Variants in RYR3 observed in about 807,000 individuals in gnomAD.
RYR3 encodes the protein brain ryanodine receptor-calcium release channel.
RYR3 carries 207 observed loss-of-function variants against 584.3 expected under a neutral mutation model. The observed-to-expected ratio is 0.35, with a 90% CI of 0.32 to 0.40. The LOEUF is 0.40. RYR3 is among the 10% of genes least tolerant of loss of function. The probability of loss-of-function intolerance (pLI) is 1.00; values close to 1 mark genes in which losing one functional copy is unlikely to be tolerated. For missense variants in RYR3, 5,616 were observed against 6,089.2 expected (o/e 0.92, Z 2.59); for synonymous variants, 2,416 against 2,248.5 (o/e 1.07, Z -2.11).
At chr15:33,362,787 C>G (rs1974959357) in intron 1 of RYR3, among the ~76,000 whole-genome samples, 1 of 152,196 alleles carries the variant, frequency 6.6e-6, no homozygotes, top group African/African-American at 2.4e-5. Flanking sequence ...AGTACCAGAG[C>G]AAAACACAAG....
chr15:33,776,367 C>T lies in RYR3; in HGVS notation c.9137+2752C>T, dbSNP rs1250124257. ...TTGTGCATTTAATCATGCAGAATAC[C>T]GAATTATTTAACTTGGAGATACTTT... On this transcript the variant is annotated intron_variant, in intron 64 of 103. Transcript: ENST00000634891. Among the ~76,000 whole-genome samples the T allele has an allele frequency of 5.3e-5, 8 of 152,060 alleles. No homozygotes were observed. In the South Asian group the frequency reaches 8.3e-4, roughly 16 times the overall value.
chr15:33,476,330 A>G (rs1038505528), intron 2 of RYR3, among the ~76,000 whole-genome samples: 3 of 152,228 alleles, frequency 2.0e-5, no homozygotes, highest in African/African-American at 7.2e-5. Flanking sequence ...TGTCTTTCCT[A>G]ACATCCACTT....
rs561527823 is a variant in RYR3 at position 33,831,787 on chromosome 15, A to AT, written c.11463+705dup. On this transcript the variant is annotated intron_variant, in intron 86 of 103. Coordinates refer to ENST00000634891, the MANE Select transcript of RYR3 (RefSeq NM_001036.6). Reference sequence around the variant, plus strand: ...GTATCATTACCGTCGGTGATACAAGATTTTTTTTTAAAGCAAAAGTAATAC... The same window carrying AT: ...GTATCATTACCGTCGGTGATACAAGATTTTTTTTTTAAAGCAAAAGTAATAC... Among the ~76,000 whole-genome samples, 695 of 151,890 alleles carry AT rather than the reference A, an allele frequency of 4.6e-3. 3 individuals carry two copies. Among genetic ancestry groups the AT allele is most frequent in the African/African-American group, 0.016 (649 of 41,416 alleles).
chr15:33,694,044 G>C (rs1046470591), intron 38 of RYR3, among the ~76,000 whole-genome samples: 5 of 152,098 alleles, frequency 3.3e-5, no homozygotes, highest in Non-Finnish European at 1.5e-5. Context: ...AATCTCAAAA[G>C]TTTTGTCAAG....
chr15:33,345,012 AG>A, intron 1 of RYR3, among the ~76,000 whole-genome samples: 1 of 152,314 alleles, frequency 6.6e-6, no homozygotes, highest in Admixed American at 6.5e-5. Flanking sequence ...GACTTCCCCA[AG>A]TTTGCACAGC....
chr15:33,461,224 G>A (rs1200850646), intron 1 of RYR3, among the ~76,000 whole-genome samples: 5 of 152,002 alleles, frequency 3.3e-5, no homozygotes, highest in African/African-American at 4.8e-5. Context: ...GATTACAGGC[G>A]TGAGCCACCG....
Position 33,722,963 on chromosome 15 carries a change from G to A in RYR3, c.6800+68G>A, listed in dbSNP as rs564100791. 7.9e-4 allele frequency: 1,056 copies of A among 1,335,088 alleles called. 11 individuals are homozygous for A. The South Asian group carries it at 0.014, about 18-fold the overall frequency. 82.7% of individuals were successfully genotyped at this position (1,335,088 alleles called of 1,614,324 possible). A position where few individuals can be genotyped will look rare whatever the true frequency, so the allele number is the denominator to read the frequency against. On this transcript the variant is annotated intron_variant, in intron 44 of 103. Transcript: ENST00000634891. ...AGCTCTCAGATATTATTGGTATACG[G>A]ATGATTTAGGAGGTAATAGAGAAAG...
chr15:33,319,580 C>T (rs1968670323), intron 1 of RYR3, among the ~76,000 whole-genome samples: 1 of 152,218 alleles, frequency 6.6e-6, no homozygotes, highest in African/African-American at 2.4e-5. Context: ...AAAGAACATA[C>T]TAGTCAAATG....
At position 33,633,015 on chromosome 15, in the gene RYR3, T is replaced by G; in HGVS notation, c.2934T>G (p.Pro978=). 2 of 1,613,986 alleles carry G rather than the reference T, an allele frequency of 1.2e-6. No homozygotes were observed. The highest frequency in any genetic ancestry group is 8.5e-7 in the Non-Finnish European group (1 of 1,179,866). Reference sequence around the variant, plus strand: ...TGTCTGATGTGAAGCTGTTACCTCCTCAAGAAATTTTAGTGGATAAGCTTG... The same window carrying G: ...TGTCTGATGTGAAGCTGTTACCTCCGCAAGAAATTTTAGTGGATAAGCTTG... The part of the protein sequence containing the change: ...LDLSDVKLLP[P]QEILVDKLAE... Residue 978 remains proline, a synonymous_variant, in exon 24 of 104, where the codon CCT becomes CCG. Coordinates refer to ENST00000634891, the MANE Select transcript of RYR3 (RefSeq NM_001036.6).
chr15:33,331,113 G>A (rs902413509), intron 1 of RYR3, among the ~76,000 whole-genome samples: 2 of 152,112 alleles, frequency 1.3e-5, no homozygotes, highest in Non-Finnish European at 2.9e-5. Flanking sequence ...TATTTTAAAG[G>A]CTGGTTTTCA....
At chr15:33,597,507 A>G (rs1456867446) in intron 16 of RYR3, among the ~76,000 whole-genome samples, 1 of 151,828 alleles carries the variant, frequency 6.6e-6, no homozygotes, top group East Asian at 1.9e-4. Context: ...GCTACTCAGG[A>G]GGCTGAGGCA....
chr15:33,311,607 G>A lies in RYR3; in HGVS notation c.51+511G>A, dbSNP rs757851623. Among the ~76,000 whole-genome samples the A allele has an allele frequency of 2.6e-5, 4 of 152,198 alleles. No individual in the cohort carries two copies. Among genetic ancestry groups the A allele is most frequent in the Non-Finnish European group, 5.9e-5 (4 of 68,034 alleles). ...AGCCGGGTCGGAGAAGCGGGCGCAG[G>A]CGCTTGGTCCTAGCCCTGGGATCGC... is the stretch of plus-strand genomic sequence containing the variant. On this transcript the variant is annotated intron_variant, in intron 1 of 103. Coordinates refer to ENST00000634891, the MANE Select transcript of RYR3 (RefSeq NM_001036.6). This position sits in a 1 kb window ranked among gnomAD's most constrained non-coding sequence, Gnocchi z 4.4.
At chr15:33,680,774 G>A (rs2064540031) in intron 38 of RYR3, among the ~76,000 whole-genome samples, 1 of 152,226 alleles carries the variant, frequency 6.6e-6, no homozygotes, top group Non-Finnish European at 1.5e-5. Context: ...GTTCTGTTAA[G>A]AAGGAAGAAG....
Position 33,757,532 on chromosome 15 carries a change from T to A in RYR3, c.8641T>A (p.Ser2881Thr), listed in dbSNP as rs61996340. 2.2e-3 allele frequency: 3,486 copies of A among 1,611,362 alleles called. 64 individuals carry two copies. The African/African-American group carries it at 0.041, about 19-fold the overall frequency. Residue 2881 changes from serine (S) to threonine (T), a missense_variant, in exon 60 of 104, where the codon TCC (serine) becomes ACC (threonine). This residue lies in a region of RYR3 where 1,280 missense variants were observed against 1,426.2 expected (regional missense o/e 0.90). Coordinates refer to ENST00000634891, the MANE Select transcript of RYR3 (RefSeq NM_001036.6). ...FTSHCLYFLSSPLKPLSSSGY... is the reference protein window; with the variant it reads ...FTSHCLYFLSTPLKPLSSSGY... ...CAGTCATTGCCTCTACTTCTTGTCA[T>A]CCCCTCTGAAGCCCCTTAGCAGCAG...
At chr15:33,454,949 C>T (rs1041435240) in intron 1 of RYR3, among the ~76,000 whole-genome samples, 1 of 152,040 alleles carries the variant, frequency 6.6e-6, no homozygotes, top group Non-Finnish European at 1.5e-5. Context: ...GAGTTTTAAG[C>T]AATGTAGTGA....
intron 5 of RYR3, among the ~76,000 whole-genome samples, chr15:33,536,797 TC>T (rs1296097149): frequency 6.6e-6 from 1 of 152,228 alleles, no homozygotes; most frequent in Non-Finnish European, 1.5e-5. Flanking sequence ...TCTCCTGCCC[TC>T]CCTCCTTTGG....
At chr15:33,440,634 C>T (rs1451814352) in intron 1 of RYR3, among the ~76,000 whole-genome samples, 1 of 152,178 alleles carries the variant, frequency 6.6e-6, no homozygotes, top group Non-Finnish European at 1.5e-5. Flanking sequence ...TTAAAACCTA[C>T]ATTATCAAAG....
chr15:33,758,488 T>G (rs1383935830), intron 60 of RYR3, among the ~76,000 whole-genome samples: 1 of 151,998 alleles, frequency 6.6e-6, no homozygotes, highest in Non-Finnish European at 1.5e-5. Context: ...GAGACTTGAG[T>G]AGGCCGTTTT....
At chr15:33,730,929 CT>C (rs1176513418) in intron 47 of RYR3, among the ~76,000 whole-genome samples, 15 of 152,330 alleles carry the variant, frequency 9.8e-5, no homozygotes, top group African/African-American at 3.6e-4. Context: ...GCTCGAAGTG[CT>C]CACCAATTAA....
Sources: allele counts gnomAD v4.1 joint callset (sites outside exome capture counted in the v4.1 genomes callset), GRCh38; gene constraint gnomAD v4.1.1; regional missense constraint gnomAD v4.1.1; non-coding constraint Gnocchi (gnomAD v3.1); transcripts MANE v1.5; gene names NCBI Gene and HGNC (gene_info 2026-07-23, HGNC 2026-07-21).